Variants in PSMA1 observed in about 807,000 individuals in gnomAD.
PSMA1 encodes the protein proteasome 20S subunit alpha 1, also known as proteasome subunit alpha type-1.
PSMA1 carries 3 observed loss-of-function variants against 38.4 expected under a neutral mutation model. That is an observed-to-expected ratio of 0.08 (90% CI 0.04 to 0.20). PSMA1 has a LOEUF of 0.20. Among genes scored for constraint, PSMA1 ranks in the 10% least tolerant of loss-of-function variants. The pLI is 1.00. For synonymous variants in PSMA1, 101 were observed against 107.1 expected, an observed-to-expected ratio of 0.94 and a Z score of 0.35; for missense variants, 227 against 325.3, an observed-to-expected ratio of 0.70 and a Z score of 2.32.
chr11:14,574,797 T>G (rs1852192709), intron 2 of PSMA1, among the ~76,000 whole-genome samples: 1 of 152,198 alleles, frequency 6.6e-6, no homozygotes, highest in Non-Finnish European at 1.5e-5. Flanking sequence ...CAATTAAACT[T>G]CTTTCCTTTA....
chr11:14,562,618 A>G (rs1852022464), intron 2 of PSMA1, among the ~76,000 whole-genome samples: 1 of 150,886 alleles, frequency 6.6e-6, no homozygotes, highest in Admixed American at 6.6e-5. Flanking sequence ...ATATGCTTCT[A>G]TTCATGAGCA....
At chr11:14,513,453 TA>T in intron 7 of PSMA1, 116 bp downstream of exon 7, 1 of 1,133,742 alleles carries the variant, frequency 8.8e-7, no homozygotes, top group Non-Finnish European at 1.1e-6. Flanking sequence ...TAATTTTTTT[TA>T]AAAAAATTCT....
intron 2 of PSMA1, among the ~76,000 whole-genome samples, chr11:14,540,034 A>T (rs1851755550): frequency 6.6e-6 from 1 of 152,190 alleles, no homozygotes; most frequent in Non-Finnish European, 1.5e-5. Flanking sequence ...AAGCAGCAGG[A>T]ACCTCTCTCC....
intron 1 of PSMA1, among the ~76,000 whole-genome samples, chr11:14,642,090 C>T (rs1044073071): frequency 6.6e-6 from 1 of 152,112 alleles, no homozygotes; most frequent in African/African-American, 2.4e-5. Flanking sequence ...AGATTAAATG[C>T]CCACACACAT....
intron 1 of PSMA1, among the ~76,000 whole-genome samples, chr11:14,621,987 A>G (rs1590013710): frequency 6.6e-6 from 1 of 152,194 alleles, no homozygotes; most frequent in Non-Finnish European, 1.5e-5. Context: ...AGCTAAATCA[A>G]CCTGTTAGTA....
chr11:14,601,797 G>C (rs1852583277), intron 2 of PSMA1, among the ~76,000 whole-genome samples: 1 of 152,176 alleles, frequency 6.6e-6, no homozygotes, highest in Non-Finnish European at 1.5e-5. Flanking sequence ...TAAAATCCAA[G>C]TTGTCTAACT....
At chr11:14,530,645 C>T (rs971794199) in intron 2 of PSMA1, among the ~76,000 whole-genome samples, 10 of 152,028 alleles carry the variant, frequency 6.6e-5, no homozygotes, top group African/African-American at 2.4e-4. Context: ...GGCTCATGCC[C>T]GTAATCCCAG....
chr11:14,633,968 A>G (rs531899340), intron 1 of PSMA1, among the ~76,000 whole-genome samples: 4 of 152,262 alleles, frequency 2.6e-5, no homozygotes, highest in East Asian at 3.9e-4. Context: ...GCGCTTCCCA[A>G]GTGAGGCAAT....
intron 2 of PSMA1, among the ~76,000 whole-genome samples, chr11:14,578,627 A>G (rs1345371935): frequency 2.6e-5 from 4 of 152,262 alleles, no homozygotes; most frequent in Middle Eastern, 3.2e-3. Context: ...GCATGGGTCC[A>G]GGGGAAAAGC....
intron 1 of PSMA1, among the ~76,000 whole-genome samples, chr11:14,642,598 C>A (rs141657754): frequency 6.6e-6 from 1 of 152,110 alleles, no homozygotes; most frequent in Admixed American, 6.5e-5. Context: ...GTGGGATTTA[C>A]CACACAGTAA....
chr11:14,547,001 A>G (rs2134166900), intron 2 of PSMA1, among the ~76,000 whole-genome samples: 2 of 152,386 alleles, frequency 1.3e-5, no homozygotes, highest in African/African-American at 4.8e-5. Context: ...GATGGAATGA[A>G]GGAAAACAGT....
chr11:14,511,016 C>G (rs574629485), intron 7 of PSMA1, 65 bp from the exon 8 acceptor site: 19 of 1,160,988 alleles, frequency 1.6e-5, no homozygotes, highest in Non-Finnish European at 2.1e-5. Flanking sequence ...TGTTATTTAT[C>G]AAATCTACAG....
At chr11:14,575,075 G>C (rs1248688959) in intron 2 of PSMA1, among the ~76,000 whole-genome samples, 1 of 152,160 alleles carries the variant, frequency 6.6e-6, no homozygotes, top group African/African-American at 2.4e-5. Flanking sequence ...GTCCCAGGCT[G>C]CGGTGATCTC....
intron 2 of PSMA1, among the ~76,000 whole-genome samples, chr11:14,609,806 T>C (rs1028927448): frequency 3.3e-5 from 5 of 152,110 alleles, no homozygotes; most frequent in Non-Finnish European, 5.9e-5. Context: ...TCTGATGAGA[T>C]AGGAAGCCAG....
Position 14,616,391 on chromosome 11 carries a change from C to T in PSMA1, c.-165-5240G>A, listed in dbSNP as rs150033980. ...TGATTACAGGCAAGCACTACCATGC[C>T]CGGCTAATTTTTATACTTTTAGTAG... On this transcript the variant is annotated intron_variant, in intron 1 of 10. Coordinates refer to the PSMA1 transcript ENST00000418988. Among the ~76,000 whole-genome samples, 789 of 151,818 alleles carry T rather than the reference C, an allele frequency of 5.2e-3. 7 individuals are homozygous for T. Among genetic ancestry groups the T allele is most frequent in the African/African-American group, 0.018 (743 of 41,404 alleles).
At position 14,591,194 on chromosome 11, in the gene PSMA1, T is replaced by G. The variant is rs540395393; in HGVS notation, c.21+19772A>C. Among the ~76,000 whole-genome samples the G allele has an allele frequency of 2.0e-5, 3 of 152,216 alleles. No homozygotes were observed. In the East Asian group the frequency reaches 5.8e-4, roughly 29 times the overall value. ...CTGCCGGCCCTGGGCAGTGAGGGACTTGGCACCCAGGCCAGTGGCTGCAGA... is the reference window on the plus strand; with the variant it reads ...CTGCCGGCCCTGGGCAGTGAGGGACGTGGCACCCAGGCCAGTGGCTGCAGA... On this transcript the variant is annotated intron_variant, in intron 2 of 10. Transcript: ENST00000418988.
intron 2 of PSMA1, among the ~76,000 whole-genome samples, chr11:14,591,980 C>G (rs1057297325): frequency 6.6e-6 from 1 of 152,136 alleles, no homozygotes; most frequent in African/African-American, 2.4e-5. Context: ...CTGCGAAGAT[C>G]TGCAGCTTCA....
At chr11:14,598,879 C>G (rs1210803631) in intron 2 of PSMA1, among the ~76,000 whole-genome samples, 2 of 151,772 alleles carry the variant, frequency 1.3e-5, no homozygotes, top group Non-Finnish European at 2.9e-5. Flanking sequence ...GTGGCTGGTA[C>G]CGGTTGTTCC....
chr11:14,639,173 A>G (rs1853167055), intron 1 of PSMA1, among the ~76,000 whole-genome samples: 1 of 152,192 alleles, frequency 6.6e-6, no homozygotes, highest in Non-Finnish European at 1.5e-5. Context: ...TAAAATAAAA[A>G]ATGACCCACA....
Sources: gnomAD v4.1 joint callset for allele counts (sites outside exome capture counted in the v4.1 genomes callset) on GRCh38, gnomAD v4.1.1 for gene constraint, MANE v1.5 for transcripts, NCBI Gene and HGNC (gene_info 2026-07-23, HGNC 2026-07-21) for gene names.